Variants in MCM6 observed in about 807,000 individuals in gnomAD.
MCM6 encodes DNA replication licensing factor MCM6.
In MCM6, 46 loss-of-function variants were observed where a neutral mutation model predicts 94.3. That is an observed-to-expected ratio of 0.49 (90% CI 0.39 to 0.62). MCM6 has a LOEUF of 0.62. Ranked by LOEUF, MCM6 falls within the 20% of genes least tolerant of loss-of-function variation. The pLI is 0.00. For synonymous variants in MCM6, 335 were observed against 351.9 expected (o/e 0.95, Z 0.54); for missense variants, 865 against 1,017.9 (o/e 0.85, Z 2.04).
At chr2:135,867,127 C>T (rs1450536587) in intron 4 of MCM6, among the ~76,000 whole-genome samples, 2 of 151,978 alleles carry the variant, frequency 1.3e-5, no homozygotes, top group Admixed American at 1.3e-4. Context: ...TTCAACACAA[C>T]TGCTAACATT....
chr2:135,842,833 T>C (rs1047877277), intron 16 of MCM6, among the ~76,000 whole-genome samples: 1 of 152,002 alleles, frequency 6.6e-6, no homozygotes, highest in Non-Finnish European at 1.5e-5. Context: ...GCTGTGAAAT[T>C]AGGTGAATGA....
chr2:135,867,856 T>C (rs538044918), intron 4 of MCM6, among the ~76,000 whole-genome samples: 17 of 152,064 alleles, frequency 1.1e-4, no homozygotes, highest in Admixed American at 2.6e-4. Context: ...TGAAACCCTG[T>C]CTCTACTAAA....
chr2:135,863,107 T>C (rs913238950), intron 7 of MCM6, among the ~76,000 whole-genome samples: 1 of 152,202 alleles, frequency 6.6e-6, no homozygotes, highest in Non-Finnish European at 1.5e-5. Context: ...GCCTACCACA[T>C]TTGCTAGTCC....
At chr2:135,861,545 G>A (rs1188714170) in intron 8 of MCM6, among the ~76,000 whole-genome samples, 3 of 152,170 alleles carry the variant, frequency 2.0e-5, no homozygotes, top group Non-Finnish European at 4.4e-5. Flanking sequence ...GTCAAAAATT[G>A]TGTTCACACT....
intron 6 of MCM6, 124 bp downstream of exon 6, chr2:135,866,008 G>C (rs4988174): frequency 9.0e-7 from 1 of 1,110,268 alleles, no homozygotes; most frequent in African/African-American, 1.6e-5. Context: ...AGGTTGAGAT[G>C]GTAGGATCAC....
Position 135,865,049 on chromosome 2 carries a change from G to A in MCM6, c.1042C>T (p.His348Tyr), listed in dbSNP as rs746366421. 2.6e-6 allele frequency: 4 copies of A among 1,534,676 alleles called. No individual in the cohort carries two copies. In the South Asian group the frequency reaches 5.3e-5, roughly 20 times the overall value. ...GGGAACAGGCTGGTACAAAGATTGTGGTATAGATTTTTATCTTGACTCATC... is the reference window on the plus strand; with the variant it reads ...GGGAACAGGCTGGTACAAAGATTGTAGTATAGATTTTTATCTTGACTCATC... ...FEMSQDKNLY[H>Y]NLCTSLFPTI... is the part of the protein sequence containing the mutation. Residue 348 changes from histidine to tyrosine, a missense_variant, in exon 7 of 17, where the codon CAC becomes TAC. His to Tyr is a moderately conservative substitution (Grantham distance 83). This residue lies in a region of MCM6 where 404 missense variants were observed against 451.9 expected (regional missense o/e 0.89). Coordinates refer to ENST00000264156, the MANE Select transcript of MCM6 (RefSeq NM_005915.6).
intron 2 of MCM6, 72 bp downstream of exon 2, chr2:135,872,625 T>TAA: frequency 6.8e-7 from 1 of 1,479,540 alleles, no homozygotes; most frequent in Non-Finnish European, 9.3e-7. Context: ...AGTGAACACT[T>TAA]ACAGTCCAAG....
Position 135,840,481 on chromosome 2 carries a change from T to C in MCM6, c.*354A>G, listed in dbSNP as rs11656. ...ATTTTATTTTGATGAATAAAAGCAG[T>C]AGCTGGCAATTGAAAAAAAGTTATT... On this transcript the variant is annotated 3_prime_UTR_variant, in exon 17 of 17. Transcript: ENST00000264156. The C allele has an allele frequency of 6.1e-6, 1 of 164,132 alleles. No individual in the cohort carries two copies. Among genetic ancestry groups the C allele is most frequent in the African/African-American group, 2.4e-5 (1 of 41,812 alleles). The allele number at this position is 164,132 out of a possible 1,614,324, so 10.2% of individuals were successfully genotyped here.
At chr2:135,857,114 G>A (rs879893722) in intron 10 of MCM6, among the ~76,000 whole-genome samples, 2 of 152,116 alleles carry the variant, frequency 1.3e-5, no homozygotes, top group African/African-American at 4.8e-5. Flanking sequence ...AGGATGTTGC[G>A]TTCAAGGATG....
chr2:135,841,647 A>T (rs3820790), intron 16 of MCM6, among the ~76,000 whole-genome samples: 21,921 of 152,220 alleles, frequency 0.14, 1,987 homozygotes, highest in South Asian at 0.3. Flanking sequence ...GACACTTTTT[A>T]AAAAATTGCC....
intron 12 of MCM6, 121 bp downstream of exon 12, chr2:135,852,665 AG>A (rs939686940): frequency 3.0e-6 from 2 of 669,954 alleles, no homozygotes; most frequent in Non-Finnish European, 4.3e-6. Flanking sequence ...AAAAAAAAAA[AG>A]TTGTAAAATT....
intron 12 of MCM6, among the ~76,000 whole-genome samples, chr2:135,852,161 T>C (rs565503632): frequency 1.3e-5 from 2 of 152,304 alleles, no homozygotes; most frequent in South Asian, 4.1e-4. Context: ...GAGAGCCAAC[T>C]GCAATCTCAT....
intron 16 of MCM6, among the ~76,000 whole-genome samples, chr2:135,844,192 G>A (rs1679630844): frequency 6.6e-6 from 1 of 152,120 alleles, no homozygotes; most frequent in East Asian, 1.9e-4. Context: ...ATTGACTATT[G>A]GGTTGGGTAA....
chr2:135,869,403 A>G (rs937752309), intron 3 of MCM6, among the ~76,000 whole-genome samples: 15 of 135,106 alleles, frequency 1.1e-4, no homozygotes, highest in African/African-American at 3.1e-4. Context: ...TCTGTCTCAG[A>G]AAAAAAAAAA....
chr2:135,871,041 C>G (rs1680189919), intron 2 of MCM6, among the ~76,000 whole-genome samples: 2 of 152,158 alleles, frequency 1.3e-5, no homozygotes, highest in African/African-American at 4.8e-5. Flanking sequence ...GTGTGAGCCA[C>G]CACATCTGGC....
At chr2:135,845,091 C>T (rs941570203) in intron 15 of MCM6, among the ~76,000 whole-genome samples, 1 of 152,154 alleles carries the variant, frequency 6.6e-6, no homozygotes, top group South Asian at 2.1e-4. Context: ...AACAACTTTT[C>T]CTCTGTAGAA....
chr2:135,862,404 T>C (rs1485311466), intron 8 of MCM6, among the ~76,000 whole-genome samples: 1 of 152,148 alleles, frequency 6.6e-6, no homozygotes, highest in Non-Finnish European at 1.5e-5. Context: ...CAGTTCAATG[T>C]GAGATTGGTA....
chr2:135,867,633 TC>T (rs1344708192), intron 4 of MCM6, among the ~76,000 whole-genome samples: 1 of 152,202 alleles, frequency 6.6e-6, no homozygotes, highest in Admixed American at 6.5e-5. Flanking sequence ...AGGGTCCCCT[TC>T]ATTCTTACTA....
At chr2:135,867,182 T>C (rs1210060356) in intron 4 of MCM6, among the ~76,000 whole-genome samples, 2 of 152,212 alleles carry the variant, frequency 1.3e-5, no homozygotes, top group Non-Finnish European at 2.9e-5. Flanking sequence ...AACACAGTTG[T>C]GAACATCAAG....
Sources: gnomAD v4.1 joint callset for allele counts (sites outside exome capture counted in the v4.1 genomes callset) on GRCh38, gnomAD v4.1.1 for gene constraint, gnomAD v4.1.1 regional missense constraint, MANE v1.5 for transcripts, NCBI Gene and HGNC (gene_info 2026-07-23, HGNC 2026-07-21) for gene names.